Variants in CTNNA3 observed in about 807,000 individuals in gnomAD.
CTNNA3 encodes the protein catenin alpha 3.
A neutral mutation model predicts 95.7 loss-of-function variants in CTNNA3; 76 were observed. The observed-to-expected ratio is 0.79, with a 90% CI of 0.66 to 0.96. The LOEUF is 0.96. Ranked by LOEUF, CTNNA3 falls within the 40% of genes least tolerant of loss-of-function variation. The pLI is 0.00. For missense variants in CTNNA3, 1,191 were observed against 1,089.8 expected (o/e 1.09, Z -1.31); for synonymous variants, 431 against 374.4 (o/e 1.15, Z -1.74).
At chr10:67,112,373 T>C (rs1031462045) in intron 7 of CTNNA3, among the ~76,000 whole-genome samples, 2 of 152,172 alleles carry the variant, frequency 1.3e-5, no homozygotes, top group Admixed American at 1.3e-4. Flanking sequence ...CCTGGTGGAA[T>C]TTATCCATAT....
intron 12 of CTNNA3, among the ~76,000 whole-genome samples, chr10:66,325,631 G>A (rs1043623275): frequency 6.6e-6 from 1 of 152,054 alleles, no homozygotes; most frequent in Admixed American, 6.6e-5. Flanking sequence ...CATCTCCCCT[G>A]CAAGCAAATC....
At chr10:66,485,519 G>A (rs1473276551) in intron 11 of CTNNA3, among the ~76,000 whole-genome samples, 1 of 151,846 alleles carries the variant, frequency 6.6e-6, no homozygotes, top group Non-Finnish European at 1.5e-5. Context: ...AACATACTTA[G>A]AAATATATTT....
intron 10 of CTNNA3, among the ~76,000 whole-genome samples, chr10:66,620,864 G>A (rs369710456): frequency 2.0e-5 from 3 of 152,212 alleles, no homozygotes; most frequent in Non-Finnish European, 2.9e-5. Flanking sequence ...CTCAGGAGAC[G>A]TCCAGAGACT....
chr10:66,481,856 C>T lies in CTNNA3; in HGVS notation c.1531+38761G>A, dbSNP rs368247703. On this transcript the variant is annotated intron_variant, in intron 11 of 17. Transcript: ENST00000433211. The stretch of plus-strand genomic sequence containing the variant: ...GGTAGGAACGACATGTGTTGGTCCA[C>T]GTTGGTCCATTTTGATTTTATCTTT... 1.2e-4 allele frequency among the ~76,000 whole-genome samples: 18 copies of T among 152,104 alleles called. No individual in the cohort carries two copies. In the East Asian group the frequency reaches 3.1e-3, roughly 26 times the overall value.
chr10:67,455,102 C>T (rs1259053430), intron 5 of CTNNA3, among the ~76,000 whole-genome samples: 2 of 151,950 alleles, frequency 1.3e-5, no homozygotes, highest in Middle Eastern at 3.2e-3. Context: ...TGAAACTGTC[C>T]TCCAGATGAT....
At chr10:67,533,962 C>T (rs1467275627) in intron 4 of CTNNA3, among the ~76,000 whole-genome samples, 1 of 149,302 alleles carries the variant, frequency 6.7e-6, no homozygotes, top group Non-Finnish European at 1.5e-5. Flanking sequence ...AGTAAGGCCA[C>T]TTAAAAAAAA....
Position 67,219,776 on chromosome 10 carries a change from C to A in CTNNA3, c.674G>T (p.Cys225Phe), listed in dbSNP as rs747835139. Residue 225 changes from cysteine (C) to phenylalanine (F), a missense_variant, in exon 6 of 18, where the codon TGT becomes TTT. Physicochemically the swap from Cys to Phe is radical, Grantham distance 205. Transcript: ENST00000433211. Reference protein sequence around the residue: ...SPLLHSICSACLEHSDVASLK... With the variant: ...SPLLHSICSAFLEHSDVASLK... Reference sequence around the variant, plus strand: ...GGAAGCAACATCAGAATGCTCCAAACAAGCTGAACAAATTGAATGCAAGAG... The same window carrying A: ...GGAAGCAACATCAGAATGCTCCAAAAAAGCTGAACAAATTGAATGCAAGAG... 99 of 1,614,000 alleles carry A rather than the reference C, an allele frequency of 6.1e-5. No homozygotes were observed. The highest frequency in any genetic ancestry group is 7.7e-5 in the Non-Finnish European group (91 of 1,180,014).
At chr10:66,672,477 A>G (rs1015892646) in intron 9 of CTNNA3, among the ~76,000 whole-genome samples, 7 of 152,130 alleles carry the variant, frequency 4.6e-5, no homozygotes, top group African/African-American at 1.7e-4. Flanking sequence ...TGAAAATGGT[A>G]TCATGAGATG....
intron 11 of CTNNA3, among the ~76,000 whole-genome samples, chr10:66,387,972 C>T (rs1356652640): frequency 1.3e-5 from 2 of 152,024 alleles, no homozygotes; most frequent in Non-Finnish European, 2.9e-5. Flanking sequence ...GGAGGGATAA[C>T]ATTAGGAGAA....
intron 13 of CTNNA3, among the ~76,000 whole-genome samples, chr10:66,256,031 C>T (rs1264227347): frequency 6.6e-6 from 1 of 152,192 alleles, no homozygotes; most frequent in Non-Finnish European, 1.5e-5. Context: ...GAAGCTGTCC[C>T]TGACACAGAA....
chr10:67,717,812 G>T (rs987975442), intron 1 of CTNNA3, among the ~76,000 whole-genome samples: 3 of 152,094 alleles, frequency 2.0e-5, no homozygotes, highest in African/African-American at 7.2e-5. Flanking sequence ...CTCTTTTTTG[G>T]TTCCATATGA....
intron 10 of CTNNA3, among the ~76,000 whole-genome samples, chr10:66,615,838 A>T (rs1844491745): frequency 6.6e-6 from 1 of 152,024 alleles, no homozygotes; most frequent in African/African-American, 2.4e-5. Flanking sequence ...CAATCGTTTC[A>T]CTATATGCTC....
intron 8 of CTNNA3, among the ~76,000 whole-genome samples, chr10:66,771,128 A>G (rs1840070231): frequency 6.6e-6 from 1 of 152,160 alleles, no homozygotes; most frequent in Admixed American, 6.5e-5. Flanking sequence ...CTAACAATTC[A>G]GAAACTCAGC....
chr10:67,107,051 A>C (rs1280699636), intron 7 of CTNNA3, among the ~76,000 whole-genome samples: 1 of 152,242 alleles, frequency 6.6e-6, no homozygotes, highest in African/African-American at 2.4e-5. Flanking sequence ...ATCTCAAGGC[A>C]AAAGTGATAA....
intron 12 of CTNNA3, among the ~76,000 whole-genome samples, chr10:66,308,525 AAGAT>A (rs1446943388): frequency 6.6e-6 from 1 of 152,154 alleles, no homozygotes; most frequent in African/African-American, 2.4e-5. Flanking sequence ...ATATCTGAAA[AAGAT>A]AGCAATTTAT....
intron 17 of CTNNA3, among the ~76,000 whole-genome samples, chr10:65,927,275 T>G (rs1474373508): frequency 1.3e-5 from 2 of 152,196 alleles, no homozygotes; most frequent in Non-Finnish European, 2.9e-5. Context: ...AAAATACTAT[T>G]GTGATTAAAG....
At chr10:66,807,250 A>G (rs762881453) in intron 7 of CTNNA3, among the ~76,000 whole-genome samples, 12 of 152,094 alleles carry the variant, frequency 7.9e-5, no homozygotes, top group Non-Finnish European at 1.5e-4. Context: ...CAGAAATACC[A>G]AAACTGCTTG....
chr10:65,985,855 A>G (rs986705696), intron 16 of CTNNA3, among the ~76,000 whole-genome samples: 1 of 151,562 alleles, frequency 6.6e-6, no homozygotes, highest in Non-Finnish European at 1.5e-5. Context: ...TATAGATAAC[A>G]TGGTCTTATA....
chr10:67,462,057 T>C (rs187148812), intron 5 of CTNNA3, among the ~76,000 whole-genome samples: 76 of 152,350 alleles, frequency 5.0e-4, no homozygotes, highest in African/African-American at 1.8e-3. Context: ...GAAGTTGTTG[T>C]AATATGTTGG....
Sources: allele counts gnomAD v4.1 joint callset (sites outside exome capture counted in the v4.1 genomes callset), GRCh38; gene constraint gnomAD v4.1.1; transcripts MANE v1.5; gene names NCBI Gene and HGNC (gene_info 2026-07-23, HGNC 2026-07-21).